The following ATG16L2 variants were observed in gnomAD, a reference collection of about 807,000 sequenced individuals.
The protein encoded by ATG16L2 is autophagy related 16 like 2, also known as protein Atg16l2.
In ATG16L2, 77 loss-of-function variants were observed where a neutral mutation model predicts 84.7. The ratio of observed to expected loss-of-function variants is 0.91; its 90% CI spans 0.76 to 1.10. The LOEUF is 1.10. ATG16L2 is among the 50% of genes least tolerant of loss of function. The pLI, the probability that ATG16L2 is intolerant of heterozygous loss-of-function variation, is 0.00. For synonymous variants in ATG16L2, 361 were observed against 342.8 expected (o/e 1.05, Z -0.59); for missense variants, 782 against 817.6 (o/e 0.96, Z 0.53).
intron 4 of ATG16L2, 102 bp from the exon 5 acceptor site, chr11:72,821,942 C>T (rs1860018587): frequency 7.0e-7 from 1 of 1,426,716 alleles, no homozygotes; most frequent in Non-Finnish European, 9.1e-7. Context: ...CCCGGCTAGC[C>T]GCGTTTGGCA....
At chr11:72,829,861 G>T (rs1434031704), downstream of ATG16L2, among the ~76,000 whole-genome samples, 3 of 152,162 alleles carry the variant, frequency 2.0e-5, no homozygotes, top group African/African-American at 7.2e-5. Context: ...GGTCCAACCT[G>T]GTCCTGAGGC....
downstream of ATG16L2, chr11:72,829,662 T>C: frequency 8.1e-7 from 1 of 1,231,470 alleles, no homozygotes; most frequent in South Asian, 2.1e-5. Context: ...CTTTGCAGCA[T>C]TCATGGTACA....
In ATG16L2 at chr11:72,822,680, C is replaced by G; in HGVS notation, c.710+137C>G. On this transcript the variant is annotated intron_variant, in intron 6 of 17. Transcript: ENST00000321297. This position sits in a 1 kb window ranked among gnomAD's most constrained non-coding sequence, Gnocchi z 4.2. ...CATGTGGTCGGAGCCCACGAGACAC[C>G]TGCAGAGGACCGTGTGGTCGTAGGA... 1.7e-6 allele frequency: 2 copies of G among 1,203,442 alleles called. No homozygotes were observed. Among genetic ancestry groups the G allele is most frequent in the Non-Finnish European group, 1.2e-6 (1 of 856,426 alleles). The allele number at this position is 1,203,442 out of a possible 1,614,324, so 74.5% of individuals were successfully genotyped here. A position where few individuals can be genotyped will look rare whatever the true frequency, so the allele number is the denominator to read the frequency against.
chr11:72,821,284 G>A (rs1859976768), intron 3 of ATG16L2: 1 of 1,024,714 alleles, frequency 9.8e-7, no homozygotes, highest in Non-Finnish European at 1.2e-6. Flanking sequence ...CCGAGGGCCG[G>A]ATGGGCATTT....
intron 9 of ATG16L2, 80 bp downstream of exon 9, chr11:72,824,922 G>A: frequency 8.1e-7 from 1 of 1,229,018 alleles, no homozygotes; most frequent in Non-Finnish European, 1.1e-6. Context: ...ACCAGGGGTG[G>A]TCCCAAGAGG....
intron 7 of ATG16L2, 120 bp downstream of exon 7, chr11:72,823,081 C>T: frequency 1.5e-6 from 1 of 666,580 alleles, no homozygotes; most frequent in South Asian, 1.9e-5. Context: ...GAGGAGAGGC[C>T]AGAAAGCTCA....
At chr11:72,837,158 C>A (rs1860753193) in intron 5 of ATG16L2, 1 of 151,938 alleles carries the variant, frequency 6.6e-6, no homozygotes, top group East Asian at 1.9e-4. Context: ...CTTTTAATTT[C>A]TTTTTTAAAC....
chr11:72,826,464 C>G (rs1364705798), intron 11 of ATG16L2, 54 bp from the exon 12 acceptor site: 11 of 1,606,574 alleles, frequency 6.8e-6, no homozygotes, highest in Non-Finnish European at 9.4e-6. Context: ...TTCTGTGGCC[C>G]GAAGAATGTT....
intron 5 of ATG16L2, among the ~76,000 whole-genome samples, chr11:72,834,660 G>A (rs1329815405): frequency 6.6e-6 from 1 of 150,682 alleles, no homozygotes; most frequent in Non-Finnish European, 1.5e-5. Context: ...TTGGCTCACC[G>A]CAACCTCTGC....
At position 72,829,409 on chromosome 11, in the gene ATG16L2, T is replaced by G. The variant is rs752445311; in HGVS notation, c.*19T>G. 1 of 1,605,148 alleles carries G rather than the reference T, an allele frequency of 6.2e-7. No individual in the cohort carries two copies. The highest frequency in any genetic ancestry group is 2.2e-5 in the East Asian group (1 of 44,706). On this transcript the variant is annotated 3_prime_UTR_variant, in exon 18 of 18. Transcript: ENST00000321297. ...GCAGTAGGGCCACGACCTGCCTGCC[T>G]GGGCTGGAGCTCTTGCCCGAAGCCT... is the stretch of plus-strand genomic sequence containing the variant.
intron 10 of ATG16L2, 62 bp from the exon 11 acceptor site, chr11:72,826,111 A>G: frequency 7.2e-7 from 1 of 1,397,774 alleles, no homozygotes; most frequent in Non-Finnish European, 1.0e-6. Flanking sequence ...TCTCAATCCC[A>G]ATTCCTCCAT....
At chr11:72,826,682 G>C (rs775919368) in intron 12 of ATG16L2, 21 bp from the exon 13 acceptor site, 2 of 1,613,982 alleles carry the variant, frequency 1.2e-6, no homozygotes, top group Non-Finnish European at 8.5e-7. Context: ...CTCTTGATCC[G>C]TACCTGGGGC....
chr11:72,836,756 T>G (rs1156397716), intron 5 of ATG16L2: 1 of 152,664 alleles, frequency 6.6e-6, no homozygotes, highest in Admixed American at 6.5e-5. Context: ...AATTCCATTT[T>G]TTTTATTATT....
chr11:72,829,033 G>A (rs1428493002), intron 17 of ATG16L2, 49 bp downstream of exon 17: 4 of 1,579,756 alleles, frequency 2.5e-6, no homozygotes, highest in Admixed American at 3.3e-5. Flanking sequence ...GTCCTGCCAG[G>A]CTGATTCCAG....
At chr11:72,815,422 C>T (rs1859649284) in intron 1 of ATG16L2, among the ~76,000 whole-genome samples, 1 of 152,166 alleles carries the variant, frequency 6.6e-6, no homozygotes, top group Non-Finnish European at 1.5e-5. Flanking sequence ...AGGCCAGCCC[C>T]CACCTCCAGC....
At chr11:72,841,570 G>C (rs772469113) in intron 5 of ATG16L2, 4 of 1,606,198 alleles carry the variant, frequency 2.5e-6, no homozygotes, top group Admixed American at 1.7e-5. Flanking sequence ...GTGTGGCTTG[G>C]GGGAAGGAGA....
At chr11:72,820,170 C>T (rs1406187784) in intron 3 of ATG16L2, 1 of 152,142 alleles carries the variant, frequency 6.6e-6, no homozygotes, top group Non-Finnish European at 1.5e-5. Context: ...GTCCAGAGTT[C>T]CTGCATCCCC....
chr11:72,816,880 C>T, intron 2 of ATG16L2, 53 bp downstream of exon 2: 2 of 1,458,430 alleles, frequency 1.4e-6, no homozygotes, highest in East Asian at 2.3e-5. Flanking sequence ...TGGGGCCCTG[C>T]CCCTGCTGCC....
intron 5 of ATG16L2, among the ~76,000 whole-genome samples, chr11:72,836,144 G>A (rs1860721536): frequency 6.6e-6 from 1 of 152,208 alleles, no homozygotes; most frequent in African/African-American, 2.4e-5. Context: ...CCCAGCTCCA[G>A]GAAAGAGGAG....
Sources: gnomAD v4.1 joint callset for allele counts (sites outside exome capture counted in the v4.1 genomes callset) on GRCh38, gnomAD v4.1.1 for gene constraint, Gnocchi (gnomAD v3.1) non-coding constraint, MANE v1.5 for transcripts, NCBI Gene and HGNC (gene_info 2026-07-23, HGNC 2026-07-21) for gene names.